DRAXIN: variants seen among roughly 807,000 people sequenced by gnomAD.
DRAXIN encodes dorsal inhibitory axon guidance protein.
A neutral mutation model predicts 33.9 loss-of-function variants in DRAXIN; 27 were observed. The observed-to-expected ratio is 0.80, with a 90% CI of 0.59 to 1.10. The LOEUF is 1.10. DRAXIN is among the 50% of genes least tolerant of loss of function. DRAXIN has a pLI of 0.00. For synonymous variants in DRAXIN, 178 were observed against 194.0 expected (o/e 0.92, Z 0.69); for missense variants, 371 against 460.8 (o/e 0.81, Z 1.78).
At chr1:11,703,988 C>G (rs1040723615) in intron 1 of DRAXIN, among the ~76,000 whole-genome samples, 1 of 152,148 alleles carries the variant, frequency 6.6e-6, no homozygotes, top group Non-Finnish European at 1.5e-5. Flanking sequence ...AGACCAGCAC[C>G]TAGGCTGCTC....
Position 11,704,911 on chromosome 1 carries a change from C to T in DRAXIN, c.-10-1338C>T, listed in dbSNP as rs562572313. ...CTGGGTGAAGCCACCACAGACCCTG[C>T]GAGGCTGGAGAAGGTGTTTCCCCCC... On this transcript the variant is annotated intron_variant, in intron 1 of 6. Transcript: ENST00000294485. This position sits in a 1 kb window ranked among gnomAD's most constrained non-coding sequence, Gnocchi z 4.6. 1.3e-5 allele frequency among the ~76,000 whole-genome samples: 2 copies of T among 152,164 alleles called. No individual in the cohort carries two copies. The highest frequency in any genetic ancestry group is 1.3e-4 in the Admixed American group (2 of 15,286).
upstream of DRAXIN, among the ~76,000 whole-genome samples, chr1:11,689,122 C>G (rs189970083): frequency 2.0e-5 from 3 of 152,128 alleles, no homozygotes; most frequent in Admixed American, 6.6e-5. Context: ...ATGGCGAAAC[C>G]CTGTCTCTAC....
intron 1 of DRAXIN, among the ~76,000 whole-genome samples, chr1:11,697,055 A>C (rs952324259): frequency 7.9e-5 from 12 of 152,110 alleles, no homozygotes; most frequent in Admixed American, 2.0e-4. Context: ...AAAAAAAAAA[A>C]AAAACAACTT....
At position 11,696,696 on chromosome 1, in the gene DRAXIN, T is replaced by C. The variant is rs1641197544; in HGVS notation, c.-11+4843T>C. On this transcript the variant is annotated intron_variant, in intron 1 of 6. Transcript: ENST00000294485. This position sits in a 1 kb window ranked among gnomAD's most constrained non-coding sequence, Gnocchi z 4.7. Reference sequence around the variant, plus strand: ...GGTGAAACTCTGTCTGTACTAAAAATGCAAAAATTAGCCGGGCGTGGTGGT... The same window carrying C: ...GGTGAAACTCTGTCTGTACTAAAAACGCAAAAATTAGCCGGGCGTGGTGGT... Among the ~76,000 whole-genome samples, 1 of 151,950 alleles carries C rather than the reference T, an allele frequency of 6.6e-6. No individual in the cohort carries two copies. The highest frequency in any genetic ancestry group is 2.4e-5 in the African/African-American group (1 of 41,342).
At position 11,704,661 on chromosome 1, in the gene DRAXIN, G is replaced by A. The variant is rs1258667664; in HGVS notation, c.-10-1588G>A. Among the ~76,000 whole-genome samples, 1 of 152,226 alleles carries A rather than the reference G, an allele frequency of 6.6e-6. No individual in the cohort carries two copies. Among genetic ancestry groups the A allele is most frequent in the Non-Finnish European group, 1.5e-5 (1 of 68,042 alleles). ...CCTTAGGAATGGATGCAGGTGTGAT[G>A]GGAGACAGGGTTGTCACAACAAGCC... On this transcript the variant is annotated intron_variant, in intron 1 of 6. Transcript: ENST00000294485. The surrounding 1 kb of genome is among the most constrained non-coding windows in gnomAD (Gnocchi z 4.6).
In DRAXIN at chr1:11,704,304, G is replaced by A. The variant is rs571090120; in HGVS notation, c.-10-1945G>A. On this transcript the variant is annotated intron_variant, in intron 1 of 6. Coordinates refer to ENST00000294485, the MANE Select transcript of DRAXIN (RefSeq NM_198545.4). This position sits in a 1 kb window ranked among gnomAD's most constrained non-coding sequence, Gnocchi z 4.6. ...CGGACATGGACGGGATCCCATATGC[G>A]CTTGGCCTTTCCAGTCACAAGGAGA... 2.6e-5 allele frequency among the ~76,000 whole-genome samples: 4 copies of A among 152,228 alleles called. No individual in the cohort carries two copies. Among genetic ancestry groups the A allele is most frequent in the Admixed American group, 6.5e-5 (1 of 15,292 alleles).
chr1:11,700,584 T>G (rs1641256360), intron 1 of DRAXIN, among the ~76,000 whole-genome samples: 1 of 152,234 alleles, frequency 6.6e-6, no homozygotes, highest in Admixed American at 6.5e-5. Flanking sequence ...ATTTTTAAAG[T>G]GAAGCTAGAA....
At chr1:11,719,540 C>A (rs779213611) in intron 6 of DRAXIN, 44 bp from the exon 7 acceptor site, 4 of 1,525,920 alleles carry the variant, frequency 2.6e-6, no homozygotes, top group Non-Finnish European at 3.6e-6. Flanking sequence ...GGGGAGGGCA[C>A]GGGCCCTTCG....
chr1:11,688,215 G>C (rs985546710), upstream of DRAXIN, among the ~76,000 whole-genome samples: 4 of 152,138 alleles, frequency 2.6e-5, no homozygotes, highest in African/African-American at 9.7e-5. This position sits in a 1 kb window ranked among gnomAD's most constrained non-coding sequence, Gnocchi z 4.6. Flanking sequence ...GTACTTAGCT[G>C]GTCTCTTGCT....
At chr1:11,690,793 C>T (rs1163871668), upstream of DRAXIN, among the ~76,000 whole-genome samples, 1 of 152,132 alleles carries the variant, frequency 6.6e-6, no homozygotes, top group Admixed American at 6.5e-5. This position sits in a 1 kb window ranked among gnomAD's most constrained non-coding sequence, Gnocchi z 4.2. Flanking sequence ...TCTCAGACTC[C>T]CAGGGTCGTC....
rs1365114848 is a variant in DRAXIN, at chr1:11,694,510, G to T, written c.-11+2657G>T. Among the ~76,000 whole-genome samples the T allele has an allele frequency of 1.3e-5, 2 of 152,148 alleles. No homozygotes were observed. The highest frequency in any genetic ancestry group is 2.4e-5 in the African/African-American group (1 of 41,402). On this transcript the variant is annotated intron_variant, in intron 1 of 6. Transcript: ENST00000294485. This position sits in a 1 kb window ranked among gnomAD's most constrained non-coding sequence, Gnocchi z 4.9. ...TGGCTCACCCCAGCCGTGCAGATTG[G>T]GTTTGAAGCCCAGCTGATCACTTAG...
At position 11,724,633 on chromosome 1, in the gene DRAXIN, G is replaced by A. The variant is rs1347618134; in HGVS notation, c.*4937G>A. The A allele has an allele frequency of 1.3e-5, 2 of 152,272 alleles. No homozygotes were observed. Among genetic ancestry groups the A allele is most frequent in the African/African-American group, 4.8e-5 (2 of 41,466 alleles). 9.4% of individuals were successfully genotyped at this position (152,272 alleles called of 1,614,324 possible). A position where few individuals can be genotyped will look rare whatever the true frequency, so the allele number is the denominator to read the frequency against. ...AACCCACCCAACAAAACCTAACATTGAGGTGGTGGGCACACGGCCCCTGCC... is the reference window on the plus strand; with the variant it reads ...AACCCACCCAACAAAACCTAACATTAAGGTGGTGGGCACACGGCCCCTGCC... On this transcript the variant is annotated 3_prime_UTR_variant, in exon 7 of 7. Transcript: ENST00000294485.
chr1:11,689,843 T>G (rs1367086319), upstream of DRAXIN, among the ~76,000 whole-genome samples: 3 of 152,042 alleles, frequency 2.0e-5, no homozygotes, highest in Non-Finnish European at 2.9e-5. Flanking sequence ...ACCCCTTTCC[T>G]GTAACAACAT....
At chr1:11,695,969 G>C (rs1641184833) in intron 1 of DRAXIN, among the ~76,000 whole-genome samples, 2 of 152,168 alleles carry the variant, frequency 1.3e-5, no homozygotes, top group Non-Finnish European at 1.5e-5. Flanking sequence ...GGGGTGGGTT[G>C]AAAATCCCAA....
intron 3 of DRAXIN, among the ~76,000 whole-genome samples, chr1:11,710,439 G>A (rs1410735048): frequency 1.3e-5 from 2 of 151,936 alleles, no homozygotes; most frequent in East Asian, 3.9e-4. Flanking sequence ...GGGCTGCAGT[G>A]AGCCATGATT....
In DRAXIN at chr1:11,725,544, C is replaced by G. The variant is rs907258220; in HGVS notation, c.*5848C>G. 1 of 152,196 alleles carries G rather than the reference C, an allele frequency of 6.6e-6. No homozygotes were observed. Among genetic ancestry groups the G allele is most frequent in the Non-Finnish European group, 1.5e-5 (1 of 68,054 alleles). The allele number at this position is 152,196 out of a possible 1,614,324, so 9.4% of individuals were successfully genotyped here. ...TCGGATAATTCGGGCTATTTGTATT[C>G]AGGTGTGAGCTGGCAAATCCGAGAC... is the stretch of plus-strand genomic sequence containing the variant. On this transcript the variant is annotated 3_prime_UTR_variant, in exon 7 of 7. Transcript: ENST00000294485.
At chr1:11,716,552 G>A (rs1641580471) in intron 6 of DRAXIN, among the ~76,000 whole-genome samples, 1 of 152,248 alleles carries the variant, frequency 6.6e-6, no homozygotes, top group Admixed American at 6.5e-5. Flanking sequence ...TAGCCTCAGA[G>A]AGTTATCTAC....
rs778915516 is a variant in DRAXIN at position 11,711,929 on chromosome 1, T to C, written c.721T>C (p.Leu241=). The C allele has an allele frequency of 1.3e-5, 21 of 1,613,722 alleles. No homozygotes were observed. In the South Asian group the frequency reaches 2.2e-4, roughly 17 times the overall value. ...ALFDWTDYED[L]KPDGWPSAKK... is the part of the protein sequence containing the mutation. ...GTTCGACTGGACCGATTATGAAGAC[T>C]TAAAACCTGATGGTTGGCCCTCTGC... The change falls in exon 4 of 7, where the codon TTA becomes CTA. Residue 241 remains leucine (L), a synonymous_variant. Coordinates refer to ENST00000294485, the MANE Select transcript of DRAXIN (RefSeq NM_198545.4).
In DRAXIN at chr1:11,702,700, C is replaced by T. The variant is rs779861752; in HGVS notation, c.-10-3549C>T. Among the ~76,000 whole-genome samples the T allele has an allele frequency of 7.2e-5, 11 of 152,164 alleles. No homozygotes were observed. The South Asian group carries it at 1.0e-3, about 14-fold the overall frequency. ...TGCCAGATGCTCACACACACACACT[C>T]ACACATCCTGGGGATTTATTTATGA... On this transcript the variant is annotated intron_variant, in intron 1 of 6. Transcript: ENST00000294485.
Sources: gnomAD v4.1 joint callset for allele counts (sites outside exome capture counted in the v4.1 genomes callset) on GRCh38, gnomAD v4.1.1 for gene constraint, Gnocchi (gnomAD v3.1) non-coding constraint, MANE v1.5 for transcripts, NCBI Gene and HGNC (gene_info 2026-07-23, HGNC 2026-07-21) for gene names.